The following PTCD3 variants were observed in gnomAD, a reference collection of about 807,000 sequenced individuals.
PTCD3 encodes the protein small ribosomal subunit protein mS39.
In PTCD3, 89 loss-of-function variants were observed where a neutral mutation model predicts 101.9. The observed-to-expected ratio is 0.87, with a 90% CI of 0.74 to 1.04. The LOEUF is 1.04. PTCD3 is among the 50% of genes least tolerant of loss of function. PTCD3 has a pLI of 0.00. For missense variants in PTCD3, 870 were observed against 828.2 expected, an observed-to-expected ratio of 1.05 and a Z score of -0.62; for synonymous variants, 296 against 278.5, an observed-to-expected ratio of 1.06 and a Z score of -0.63.
intron 8 of PTCD3, among the ~76,000 whole-genome samples, chr2:86,122,080 C>T (rs1674294276): frequency 6.6e-6 from 1 of 152,156 alleles, no homozygotes; most frequent in Non-Finnish European, 1.5e-5. Flanking sequence ...TCCTTTGGAT[C>T]AGTCAAATAG....
chr2:86,120,040 CAAG>C (rs1674254331), intron 7 of PTCD3, among the ~76,000 whole-genome samples: 2 of 152,152 alleles, frequency 1.3e-5, no homozygotes, highest in South Asian at 2.1e-4. Flanking sequence ...CACTTGAACA[CAAG>C]AAACATTTGC....
chr2:86,108,576 T>G, intron 3 of PTCD3, 40 bp downstream of exon 3: 1 of 1,547,806 alleles, frequency 6.5e-7, no homozygotes. Flanking sequence ...AATGGTTGAG[T>G]GCTTACTATG....
intron 3 of PTCD3, among the ~76,000 whole-genome samples, chr2:86,109,932 G>T (rs1280828067): frequency 1.3e-5 from 2 of 152,232 alleles, no homozygotes; most frequent in Admixed American, 6.5e-5. Flanking sequence ...AGATGTTTAT[G>T]TGTGAAAATA....
In PTCD3 at chr2:86,117,037, A is replaced by G. The variant is rs771400515; in HGVS notation, c.310-18A>G. The G allele has an allele frequency of 3.1e-6, 3 of 971,856 alleles. No homozygotes were observed. The South Asian group carries it at 3.9e-5, about 13-fold the overall frequency. 60.2% of individuals were successfully genotyped at this position (971,856 alleles called of 1,614,324 possible). A position where few individuals can be genotyped will look rare whatever the true frequency, so the allele number is the denominator to read the frequency against. ...TTGAGTTTAAATTACATGTATTTAA[A>G]TCTTTTTCTTTATATAGCGTTCATT... On this transcript the variant is annotated intron_variant, in intron 5 of 23. Coordinates refer to ENST00000254630, the MANE Select transcript of PTCD3 (RefSeq NM_017952.6).
At chr2:86,114,921 G>A (rs776057245) in intron 4 of PTCD3, among the ~76,000 whole-genome samples, 31 of 152,216 alleles carry the variant, frequency 2.0e-4, no homozygotes, top group Non-Finnish European at 4.3e-4. Flanking sequence ...TCCTCCATCA[G>A]TGACTTGTGA....
chr2:86,127,148 T>A lies in PTCD3; in HGVS notation c.952-13T>A. ...CAGGCATGAAAGATACTTCTTGTTT[T>A]TTATTCACCTAGGAGCTGCTAAGAC... On this transcript the variant is annotated splice_polypyrimidine_tract_variant and intron_variant, in intron 12 of 23. Coordinates refer to ENST00000254630, the MANE Select transcript of PTCD3 (RefSeq NM_017952.6). The A allele has an allele frequency of 6.3e-7, 1 of 1,597,004 alleles. No homozygotes were observed. The highest frequency in any genetic ancestry group is 8.5e-7 in the Non-Finnish European group (1 of 1,172,586).
intron 8 of PTCD3, among the ~76,000 whole-genome samples, chr2:86,122,160 T>TC (rs1674295672): frequency 6.6e-6 from 1 of 152,216 alleles, no homozygotes; most frequent in South Asian, 2.1e-4. Context: ...AATCTAGATG[T>TC]CCAACAGTAG....
intron 9 of PTCD3, 52 bp downstream of exon 9, chr2:86,123,814 A>G (rs1235098825): frequency 8.4e-7 from 1 of 1,193,286 alleles, no homozygotes. Context: ...CAGTGCATGG[A>G]ATATGCCCCA....
At chr2:86,127,494 A>C in intron 13 of PTCD3, 189 bp downstream of exon 13, 1 of 618,906 alleles carries the variant, frequency 1.6e-6, no homozygotes, top group South Asian at 2.4e-5. Context: ...CTTAGTGTTC[A>C]TTAGTATTTT....
intron 19 of PTCD3, among the ~76,000 whole-genome samples, chr2:86,133,935 G>A (rs755829497): frequency 2.0e-5 from 3 of 152,222 alleles, no homozygotes; most frequent in Admixed American, 2.0e-4. Flanking sequence ...GGTGACTACT[G>A]TATCATAAAG....
chr2:86,124,878 T>C (rs1296566440), intron 9 of PTCD3, 117 bp from the exon 10 acceptor site: 1 of 1,341,900 alleles, frequency 7.5e-7, no homozygotes, highest in Non-Finnish European at 9.9e-7. Flanking sequence ...AGAATTGAGA[T>C]AATGTATAGA....
In PTCD3 at chr2:86,118,972, G is replaced by T. The variant is rs140431055; in HGVS notation, c.466G>T (p.Ala156Ser). The T allele has an allele frequency of 6.2e-7, 1 of 1,613,794 alleles. No homozygotes were observed. Among genetic ancestry groups the T allele is most frequent in the Non-Finnish European group, 8.5e-7 (1 of 1,179,880 alleles). ...EPQIKDISEA[A>S]LKERIELRKV... is the part of the protein sequence containing the mutation. ...TCAGATCAAAGACATAAGTGAAGCC[G>T]CCCTGAAGGAACGAATTGAGCTCAG... The change falls in exon 7 of 24, where the codon GCC becomes TCC. Residue 156 changes from alanine (A) to serine (S), a missense_variant. Transcript: ENST00000254630.
At position 86,125,013 on chromosome 2, in the gene PTCD3, G is replaced by A; in HGVS notation, c.735G>A (p.Glu245=). Residue 245 remains glutamate, a synonymous_variant, in exon 10 of 24, where the codon GAG becomes GAA. Coordinates refer to ENST00000254630, the MANE Select transcript of PTCD3 (RefSeq NM_017952.6). The part of the protein sequence containing the change: ...GVTWRAKNNA[E]RIFSLMPEKN... Reference sequence around the variant, plus strand: ...TGTCTAGAGCAAAAAACAACGCTGAGAGAATCTTTTCTCTAATGCCAGAGA... The same window carrying A: ...TGTCTAGAGCAAAAAACAACGCTGAAAGAATCTTTTCTCTAATGCCAGAGA... 1 of 1,614,020 alleles carries A rather than the reference G, an allele frequency of 6.2e-7. No homozygotes were observed. Among genetic ancestry groups the A allele is most frequent in the Non-Finnish European group, 8.5e-7 (1 of 1,180,008 alleles).
rs147045229 is a variant in PTCD3, at chr2:86,134,319, G to T, written c.1571G>T (p.Arg524Leu). ...KDSKEYGHTF[R>L]SDLREEILML... is the part of the protein sequence containing the mutation. ...AGTAAAGAATATGGTCATACTTTCC[G>T]CAGTGACCTGAGAGAAGAGATCCTG... The change falls in exon 20 of 24, where the codon CGC becomes CTC. Residue 524 changes from arginine to leucine, a missense_variant. By Grantham distance (102) the Arg-to-Leu change is moderately radical. Transcript: ENST00000254630. 4.8e-5 allele frequency: 77 copies of T among 1,612,806 alleles called. No individual in the cohort carries two copies. The Middle Eastern group carries it at 9.9e-4, about 21-fold the overall frequency.
chr2:86,132,409 A>G lies in PTCD3; in HGVS notation c.1358A>G (p.His453Arg), dbSNP rs1271140251. The change falls in exon 17 of 24, where the codon CAT (histidine) becomes CGT (arginine). Residue 453 changes from histidine (H) to arginine (R), a missense_variant. Transcript: ENST00000254630. ...DNWKFIGPDQ[H>R]RNFYYSKFFD... ...TGGAAATTCATTGGACCTGATCAAC[A>G]TCGTAATTTCTATTAGTAAGTGTGT... 1.3e-6 allele frequency: 2 copies of G among 1,592,196 alleles called. No homozygotes were observed. The highest frequency in any genetic ancestry group is 1.7e-5 in the Admixed American group (1 of 59,630).
intron 13 of PTCD3, chr2:86,127,723 A>G: frequency 1.8e-6 from 1 of 553,932 alleles, no homozygotes; most frequent in Non-Finnish European, 3.2e-6. Context: ...TGTGACTAAT[A>G]AGTATTTGGA....
chr2:86,115,894 G>C (rs984963431), intron 4 of PTCD3, among the ~76,000 whole-genome samples: 1 of 152,150 alleles, frequency 6.6e-6, no homozygotes, highest in East Asian at 1.9e-4. Context: ...GAGCGTGGGT[G>C]GATAGTGACC....
intron 21 of PTCD3, chr2:86,135,902 C>G: frequency 1.9e-6 from 1 of 519,000 alleles, no homozygotes; most frequent in South Asian, 1.4e-5. Context: ...GGGTACGGAC[C>G]TCAGCTGAGT....
intron 13 of PTCD3, chr2:86,127,599 G>T: frequency 2.2e-6 from 1 of 460,418 alleles, no homozygotes; most frequent in South Asian, 3.1e-5. Context: ...ACATAATTAG[G>T]TATTTGAACC....
Sources: allele counts gnomAD v4.1 joint callset (sites outside exome capture counted in the v4.1 genomes callset), GRCh38; gene constraint gnomAD v4.1.1; transcripts MANE v1.5; gene names NCBI Gene and HGNC (gene_info 2026-07-23, HGNC 2026-07-21).